Variants in PTGES3 observed in about 807,000 individuals in gnomAD.
PTGES3 encodes the protein Hsp90 co-chaperone.
In PTGES3, 5 loss-of-function variants were observed where a neutral mutation model predicts 29.9. That is an observed-to-expected ratio of 0.17 (90% CI 0.09 to 0.35). The LOEUF (loss-of-function observed/expected upper bound fraction) is 0.35. Among genes scored for constraint, PTGES3 ranks in the 10% least tolerant of loss-of-function variants. The pLI, the probability that PTGES3 is intolerant of heterozygous loss-of-function variation, is 1.00. For synonymous variants in PTGES3, 49 were observed against 57.8 expected, an observed-to-expected ratio of 0.85 and a Z score of 0.69; for missense variants, 128 against 190.0, an observed-to-expected ratio of 0.67 and a Z score of 1.92.
At chr12:56,675,236 G>A (rs1427851909) in intron 1 of PTGES3, among the ~76,000 whole-genome samples, 1 of 151,648 alleles carries the variant, frequency 6.6e-6, no homozygotes, top group Admixed American at 6.6e-5. Context: ...GGAGGTAGAG[G>A]TTGCAGCGAG....
chr12:56,681,307 G>A (rs1334360770), intron 1 of PTGES3, among the ~76,000 whole-genome samples: 3 of 151,948 alleles, frequency 2.0e-5, no homozygotes, highest in Non-Finnish European at 4.4e-5. Flanking sequence ...GGGAGGCCGA[G>A]GAGGGCGGAT....
chr12:56,666,283 AAT>A lies in PTGES3; in HGVS notation c.376-19_376-18del, dbSNP rs1311957021. Reference sequence around the variant, plus strand: ...GTTCATCATCTATTTGAAGTGTAAAAATTAGTTTTAAAAATGATGTTAAGTTA... The same window carrying A: ...GTTCATCATCTATTTGAAGTGTAAAATAGTTTTAAAAATGATGTTAAGTTA... On this transcript the variant is annotated intron_variant, in intron 5 of 7. Transcript: ENST00000262033. The A allele has an allele frequency of 2.5e-6, 4 of 1,597,962 alleles. No individual in the cohort carries two copies. Among genetic ancestry groups the A allele is most frequent in the African/African-American group, 2.7e-5 (2 of 74,330 alleles).
rs561657842 is a variant in PTGES3, at chr12:56,678,423, C to T, written c.3-5358G>A. 4.3e-3 allele frequency among the ~76,000 whole-genome samples: 661 copies of T among 152,224 alleles called. 3 individuals are homozygous for T. Among genetic ancestry groups the T allele is most frequent in the African/African-American group, 0.015 (627 of 41,532 alleles). ...AACTCCTGACCTCAGGTGAGCCACC[C>T]GCCTCAGCCTCCCAAAGTGCTGGAA... is the stretch of plus-strand genomic sequence containing the variant. On this transcript the variant is annotated intron_variant, in intron 1 of 7. Coordinates refer to ENST00000262033, the MANE Select transcript of PTGES3 (RefSeq NM_006601.7).
intron 1 of PTGES3, among the ~76,000 whole-genome samples, chr12:56,673,452 C>T (rs58712399): frequency 1.0e-4 from 13 of 124,674 alleles, no homozygotes; most frequent in African/African-American, 2.2e-4. Context: ...GCCAGCACAG[C>T]GAAACCCCGA....
intron 1 of PTGES3, 92 bp downstream of exon 1, chr12:56,687,906 T>C (rs1952959700): frequency 1.3e-6 from 2 of 1,598,046 alleles, no homozygotes; most frequent in Non-Finnish European, 1.7e-6. Context: ...CCACCACCGA[T>C]GCGAGAAAGG....
chr12:56,684,948 T>C (rs542517213), intron 1 of PTGES3, among the ~76,000 whole-genome samples: 61 of 152,096 alleles, frequency 4.0e-4, no homozygotes, highest in African/African-American at 1.1e-3. Flanking sequence ...AATCTCTCTC[T>C]CCCCAGAGCT....
At position 56,663,748 on chromosome 12, in the gene PTGES3, T is replaced by C. The variant is rs1271292547; in HGVS notation, c.*731A>G. The C allele has an allele frequency of 4.6e-5, 7 of 150,548 alleles. No homozygotes were observed. Among genetic ancestry groups the C allele is most frequent in the Non-Finnish European group, 7.4e-5 (5 of 67,406 alleles). 9.3% of individuals were successfully genotyped at this position (150,548 alleles called of 1,614,324 possible). ...AGTGTATTAAACATTTTTCACTCAT[T>C]TGCCATACTGACAGTGCAAATACAA... is the stretch of plus-strand genomic sequence containing the variant. On this transcript the variant is annotated 3_prime_UTR_variant, in exon 8 of 8. Transcript: ENST00000262033.
intron 7 of PTGES3, 38 bp downstream of exon 7, chr12:56,664,738 A>AACATACTTT: frequency 6.4e-7 from 1 of 1,567,310 alleles, no homozygotes; most frequent in South Asian, 1.2e-5. Context: ...TTTGATGCAA[A>AACATACTTT]GTATCACTGT....
intron 1 of PTGES3, among the ~76,000 whole-genome samples, chr12:56,674,830 A>C (rs1447697794): frequency 9.4e-6 from 1 of 106,606 alleles, no homozygotes; most frequent in South Asian, 3.2e-4. Context: ...CATCTCAAAA[A>C]AAAAAAAAAA....
At chr12:56,682,721 G>GAAAAA (rs754040277) in intron 1 of PTGES3, among the ~76,000 whole-genome samples, 19 of 114,290 alleles carry the variant, frequency 1.7e-4, no homozygotes, top group African/African-American at 5.2e-4. Context: ...CCATTTAAAA[G>GAAAAA]AAAAAAAAAA....
At chr12:56,669,202 T>C (rs575166330) in intron 5 of PTGES3, among the ~76,000 whole-genome samples, 2 of 151,728 alleles carry the variant, frequency 1.3e-5, no homozygotes, top group Non-Finnish European at 2.9e-5. Context: ...TTTAATTATT[T>C]ATTAATTTAG....
At chr12:56,676,053 C>G (rs1433939103) in intron 1 of PTGES3, among the ~76,000 whole-genome samples, 1 of 151,266 alleles carries the variant, frequency 6.6e-6, no homozygotes, top group Admixed American at 6.6e-5. Flanking sequence ...GTGGAGAAAC[C>G]CCGTCTCTAC....
intron 1 of PTGES3, among the ~76,000 whole-genome samples, chr12:56,686,384 T>C (rs1402061071): frequency 6.6e-6 from 1 of 152,006 alleles, no homozygotes; most frequent in African/African-American, 2.4e-5. Context: ...ATTTATTTAT[T>C]TATTTTGAGA....
intron 1 of PTGES3, among the ~76,000 whole-genome samples, chr12:56,682,721 GA>G (rs754040277): frequency 0.012 from 1,372 of 114,264 alleles, 53 homozygotes; most frequent in African/African-American, 0.042. Context: ...CCATTTAAAA[GA>G]AAAAAAAAAA....
At chr12:56,672,531 C>G (rs1027546626) in intron 3 of PTGES3, among the ~76,000 whole-genome samples, 1 of 151,964 alleles carries the variant, frequency 6.6e-6, no homozygotes, top group Non-Finnish European at 1.5e-5. Context: ...AGACGAGCCT[C>G]AAGGATACTA....
intron 1 of PTGES3, among the ~76,000 whole-genome samples, chr12:56,681,170 C>A (rs1394872803): frequency 6.6e-6 from 1 of 152,102 alleles, no homozygotes; most frequent in Admixed American, 6.6e-5. Flanking sequence ...GAACCCCAAT[C>A]CTATTTCAGA....
Position 56,665,175 on chromosome 12 carries a change from A to C in PTGES3, c.439-375T>G, listed in dbSNP as rs530121609. 5.1e-6 allele frequency: 5 copies of C among 985,326 alleles called. No individual in the cohort carries two copies. The East Asian group carries it at 4.5e-4, about 89-fold the overall frequency. 61.0% of individuals were successfully genotyped at this position (985,326 alleles called of 1,614,324 possible). A position where few individuals can be genotyped will look rare whatever the true frequency, so the allele number is the denominator to read the frequency against. ...TTGAGTGAATATTAAGTGTTTTTCT[A>C]AATAGCATTAAATAACTTTCTGGGA... On this transcript the variant is annotated intron_variant, in intron 6 of 7. Coordinates refer to ENST00000262033, the MANE Select transcript of PTGES3 (RefSeq NM_006601.7).
intron 1 of PTGES3, among the ~76,000 whole-genome samples, chr12:56,677,501 A>G (rs996165416): frequency 6.6e-6 from 1 of 152,110 alleles, no homozygotes; most frequent in Non-Finnish European, 1.5e-5. Flanking sequence ...GCAGCCTAGT[A>G]GCTATTGGAA....
intron 1 of PTGES3, 187 bp downstream of exon 1, chr12:56,687,811 A>C: frequency 7.0e-7 from 1 of 1,438,352 alleles, no homozygotes; most frequent in Non-Finnish European, 9.1e-7. Flanking sequence ...GGGGAAGCAG[A>C]CATCTGGAGG....
Sources: allele counts gnomAD v4.1 joint callset (sites outside exome capture counted in the v4.1 genomes callset), GRCh38; gene constraint gnomAD v4.1.1; transcripts MANE v1.5; gene names NCBI Gene and HGNC (gene_info 2026-07-23, HGNC 2026-07-21).